Variants in SGCZ observed in about 807,000 individuals in gnomAD.
The protein encoded by SGCZ is sarcoglycan zeta.
A neutral mutation model predicts 41.3 loss-of-function variants in SGCZ; 40 were observed. The ratio of observed to expected loss-of-function variants is 0.97; its 90% CI spans 0.75 to 1.26. The LOEUF (loss-of-function observed/expected upper bound fraction) is 1.26, where lower values mean the gene tolerates loss of function less well. Among genes scored for constraint, SGCZ ranks in the 50% most tolerant of loss-of-function variants. The pLI is 0.00. For missense variants in SGCZ, 552 were observed against 369.8 expected (o/e 1.49, Z -4.04); for synonymous variants, 206 against 137.5 (o/e 1.50, Z -3.49).
At chr8:14,838,704 G>T (rs981731871) in intron 1 of SGCZ, among the ~76,000 whole-genome samples, 3 of 152,076 alleles carry the variant, frequency 2.0e-5, no homozygotes, top group African/African-American at 7.2e-5. Context: ...CTGTGACACG[G>T]CTTGGTGTGC....
At chr8:14,921,045 G>T (rs1018315927) in intron 1 of SGCZ, among the ~76,000 whole-genome samples, 1 of 152,148 alleles carries the variant, frequency 6.6e-6, no homozygotes, top group Non-Finnish European at 1.5e-5. Context: ...GGGTAAAAAG[G>T]TCCAACCCTT....
chr8:15,229,390 G>A (rs1198752866), intron 1 of SGCZ, among the ~76,000 whole-genome samples: 3 of 152,128 alleles, frequency 2.0e-5, no homozygotes, highest in African/African-American at 7.2e-5. Flanking sequence ...ATGAGGCTAG[G>A]AATTAAAGAT....
chr8:14,240,327 C>CAAAAAAAA (rs59351247), intron 3 of SGCZ, among the ~76,000 whole-genome samples: 16 of 115,230 alleles, frequency 1.4e-4, no homozygotes, highest in African/African-American at 2.9e-4. Context: ...AACTCTGTGT[C>CAAAAAAAA]AAAAAAAAAA....
At chr8:15,008,980 T>C (rs1802723727) in intron 1 of SGCZ, among the ~76,000 whole-genome samples, 1 of 152,096 alleles carries the variant, frequency 6.6e-6, no homozygotes. Context: ...CAATACTAGG[T>C]TATAAAACAT....
chr8:14,509,716 C>A (rs1290887868), intron 2 of SGCZ, among the ~76,000 whole-genome samples: 1 of 152,064 alleles, frequency 6.6e-6, no homozygotes, highest in Non-Finnish European at 1.5e-5. Flanking sequence ...ATACCTGACA[C>A]AGGGTAATTA....
At chr8:14,289,359 G>T (rs1050306233) in intron 3 of SGCZ, among the ~76,000 whole-genome samples, 1 of 151,816 alleles carries the variant, frequency 6.6e-6, no homozygotes, top group South Asian at 2.1e-4. Flanking sequence ...CCAAAGTTAT[G>T]AATTAATACC....
intron 1 of SGCZ, among the ~76,000 whole-genome samples, chr8:14,680,805 C>G (rs1234934761): frequency 6.6e-6 from 1 of 151,114 alleles, no homozygotes. Flanking sequence ...TTTAAAAAGA[C>G]ACAAATTAAA....
rs115691296 is a variant in SGCZ, at chr8:15,047,959, T to C, written c.39+189626A>G. On this transcript the variant is annotated intron_variant, in intron 1 of 7. Transcript: ENST00000382080. ...CAGACAATTAAAAATAGAACTACCA[T>C]ATGATCCAGCAACCCCACTACTGGA... Among the ~76,000 whole-genome samples the C allele has an allele frequency of 5.9e-3, 894 of 152,060 alleles. 8 individuals are homozygous for C. Among genetic ancestry groups the C allele is most frequent in the African/African-American group, 0.02 (850 of 41,522 alleles).
At chr8:14,176,918 G>A (rs984107105) in intron 4 of SGCZ, among the ~76,000 whole-genome samples, 3 of 152,182 alleles carry the variant, frequency 2.0e-5, no homozygotes, top group Admixed American at 2.0e-4. Context: ...TTGTATGTAA[G>A]TCCTAATAAA....
At chr8:14,356,209 C>T (rs1459096698) in intron 2 of SGCZ, among the ~76,000 whole-genome samples, 6 of 152,090 alleles carry the variant, frequency 3.9e-5, no homozygotes, top group Admixed American at 1.3e-4. Context: ...CCACGATGTT[C>T]GGTAGATTAG....
rs375727721 is a variant in SGCZ, at chr8:14,774,801, G to T, written c.40-219875C>A. On this transcript the variant is annotated intron_variant, in intron 1 of 7. Coordinates refer to ENST00000382080, the MANE Select transcript of SGCZ (RefSeq NM_139167.4). Reference sequence around the variant, plus strand: ...ACAAGTATTACTATCCTTTCAAAAGGTTCTCTGTTCTCTTATTATCCTAGC... The same window carrying T: ...ACAAGTATTACTATCCTTTCAAAAGTTTCTCTGTTCTCTTATTATCCTAGC... 1.1e-4 allele frequency among the ~76,000 whole-genome samples: 16 copies of T among 152,184 alleles called. No homozygotes were observed. In the South Asian group the frequency reaches 3.1e-3, roughly 30 times the overall value.
chr8:14,476,540 G>T (rs1801366606), intron 2 of SGCZ, among the ~76,000 whole-genome samples: 1 of 152,042 alleles, frequency 6.6e-6, no homozygotes, highest in Non-Finnish European at 1.5e-5. Flanking sequence ...AGCCCACAAT[G>T]ATGCCACATT....
Position 14,102,245 on chromosome 8 carries a change from C to G in SGCZ, c.744+131G>C, listed in dbSNP as rs556560238. ...AGATATGGTAACCTAATATTACTTT[C>G]CTAAGTTACAACTCCATTTATTTTC... is the stretch of plus-strand genomic sequence containing the variant. On this transcript the variant is annotated intron_variant, in intron 7 of 7. Transcript: ENST00000382080. The G allele has an allele frequency of 1.2e-5, 13 of 1,058,162 alleles. No homozygotes were observed. In the African/African-American group the frequency reaches 1.8e-4, roughly 15 times the overall value. The allele number at this position is 1,058,162 out of a possible 1,614,324, so 65.5% of individuals were successfully genotyped here.
chr8:14,470,503 A>G (rs1326076973), intron 2 of SGCZ, among the ~76,000 whole-genome samples: 1 of 152,194 alleles, frequency 6.6e-6, no homozygotes, highest in Non-Finnish European at 1.5e-5. Flanking sequence ...AAAATAGCAC[A>G]GCAAGAATTA....
chr8:14,611,268 T>G (rs998325492), intron 1 of SGCZ, among the ~76,000 whole-genome samples: 1 of 152,190 alleles, frequency 6.6e-6, no homozygotes, highest in Admixed American at 6.5e-5. Flanking sequence ...CCTATCATTT[T>G]TATTCCCTTT....
At chr8:14,550,383 T>C (rs928995525) in intron 2 of SGCZ, among the ~76,000 whole-genome samples, 1 of 150,544 alleles carries the variant, frequency 6.6e-6, no homozygotes, top group Non-Finnish European at 1.5e-5. Context: ...TTTATATTTA[T>C]GCATTAAATA....
At chr8:14,430,358 G>T (rs999188165) in intron 2 of SGCZ, among the ~76,000 whole-genome samples, 1 of 151,946 alleles carries the variant, frequency 6.6e-6, no homozygotes, top group Non-Finnish European at 1.5e-5. Flanking sequence ...TAATCAAGTG[G>T]GTTTCATACC....
chr8:14,770,887 A>G (rs1170649261), intron 1 of SGCZ, among the ~76,000 whole-genome samples: 2 of 152,156 alleles, frequency 1.3e-5, no homozygotes, highest in Non-Finnish European at 2.9e-5. Flanking sequence ...ACAGAATTTA[A>G]AAAAACAATA....
intron 2 of SGCZ, among the ~76,000 whole-genome samples, chr8:14,378,291 C>T (rs1390719189): frequency 6.6e-6 from 1 of 151,978 alleles, no homozygotes; most frequent in African/African-American, 2.4e-5. Flanking sequence ...TGATGGTGAG[C>T]ATTTTTTCAT....
Sources: gnomAD v4.1 joint callset for allele counts (sites outside exome capture counted in the v4.1 genomes callset) on GRCh38, gnomAD v4.1.1 for gene constraint, MANE v1.5 for transcripts, NCBI Gene and HGNC (gene_info 2026-07-23, HGNC 2026-07-21) for gene names.